The following MEOX1 variants were observed in gnomAD, a reference collection of about 807,000 sequenced individuals.
MEOX1 encodes the protein homeobox protein MOX-1.
MEOX1 carries 17 observed loss-of-function variants against 23.2 expected under a neutral mutation model. The observed-to-expected ratio is 0.73, with a 90% CI of 0.50 to 1.10. The LOEUF (loss-of-function observed/expected upper bound fraction) is 1.10, where lower values mean the gene tolerates loss of function less well. Ranked by LOEUF, MEOX1 falls within the 50% of genes least tolerant of loss-of-function variation. MEOX1 has a pLI of 0.00. For missense variants in MEOX1, 333 were observed against 332.2 expected (o/e 1.00, Z -0.02); for synonymous variants, 134 against 135.1 (o/e 0.99, Z 0.06).
intron 1 of MEOX1, among the ~76,000 whole-genome samples, chr17:43,652,771 C>T (rs1972940087): frequency 6.6e-6 from 1 of 151,728 alleles, no homozygotes; most frequent in South Asian, 2.1e-4. Flanking sequence ...CTCTGGCGAC[C>T]CAGGTGACAC....
intron 1 of MEOX1, among the ~76,000 whole-genome samples, chr17:43,657,038 C>CTTTCT (rs1555567841): frequency 1.6e-5 from 2 of 122,676 alleles, no homozygotes; most frequent in Non-Finnish European, 3.7e-5. Flanking sequence ...TTCTTTCTTT[C>CTTTCT]TTTCTTTCTT....
intron 1 of MEOX1, among the ~76,000 whole-genome samples, chr17:43,646,120 G>T (rs919200115): frequency 1.3e-5 from 2 of 152,178 alleles, no homozygotes; most frequent in Non-Finnish European, 2.9e-5. Context: ...GGGCGCGCCC[G>T]GGGAGCAGGG....
At position 43,650,574 on chromosome 17, in the gene MEOX1, T is replaced by C. The variant is rs145293531; in HGVS notation, c.470-6914A>G. 3.3e-3 allele frequency among the ~76,000 whole-genome samples: 504 copies of C among 152,266 alleles called. 3 individuals carry two copies. Among genetic ancestry groups the C allele is most frequent in the African/African-American group, 0.01 (434 of 41,550 alleles). On this transcript the variant is annotated intron_variant, in intron 1 of 2. Transcript: ENST00000318579. ...GGAGGCTGTGCCTATCTTAGGGACA[T>C]TGTCTGAGTCTGGGTTCAGATCTCT...
intron 1 of MEOX1, among the ~76,000 whole-genome samples, chr17:43,645,333 C>A (rs567959200): frequency 6.6e-6 from 1 of 151,940 alleles, no homozygotes; most frequent in Admixed American, 6.5e-5. Flanking sequence ...CCCGCCACCA[C>A]GCCCGGCAAA....
At position 43,641,914 on chromosome 17, in the gene MEOX1, T is replaced by C; in HGVS notation, c.761A>G (p.Glu254Gly). Residue 254 changes from glutamate to glycine, a missense_variant, in exon 3 of 3, where the codon GAG (glutamate) becomes GGG (glycine). Coordinates refer to ENST00000318579, the MANE Select transcript of MEOX1 (RefSeq NM_004527.4). ...DGDSTASPSS[E>G] ...ATTTTTCCTCCATGCAGAATCTCAC[T>C]CTGAACTTGGAGAGGCTGTGGAGTC... 2 of 1,612,690 alleles carry C rather than the reference T, an allele frequency of 1.2e-6. No individual in the cohort carries two copies. Among genetic ancestry groups the C allele is most frequent in the Non-Finnish European group, 1.7e-6 (2 of 1,179,420 alleles).
rs1375294506 is a variant in MEOX1 at position 43,648,611 on chromosome 17, C to T, written c.470-4951G>A. Among the ~76,000 whole-genome samples, 3 of 152,186 alleles carry T rather than the reference C, an allele frequency of 2.0e-5. No individual in the cohort carries two copies. The East Asian group carries it at 5.8e-4, about 29-fold the overall frequency. Reference sequence around the variant, plus strand: ...CCATGTGTAGAAGTATGGGATTGGACCGGATTCTGTTTCTGCCAGGGAGCT... The same window carrying T: ...CCATGTGTAGAAGTATGGGATTGGATCGGATTCTGTTTCTGCCAGGGAGCT... On this transcript the variant is annotated intron_variant, in intron 1 of 2. Transcript: ENST00000318579.
At chr17:43,659,515 G>C (rs1973101309) in intron 1 of MEOX1, among the ~76,000 whole-genome samples, 2 of 152,070 alleles carry the variant, frequency 1.3e-5, no homozygotes. Context: ...GGTGATACCG[G>C]GGGCCTGAAG....
At chr17:43,660,251 CT>C (rs1349768773) in intron 1 of MEOX1, among the ~76,000 whole-genome samples, 1 of 152,142 alleles carries the variant, frequency 6.6e-6, no homozygotes, top group Non-Finnish European at 1.5e-5. Flanking sequence ...AAGAGAAGGG[CT>C]TTAGCTGGAA....
chr17:43,661,013 C>A, intron 1 of MEOX1, 53 bp downstream of exon 1: 1 of 1,245,108 alleles, frequency 8.0e-7, no homozygotes, highest in Non-Finnish European at 1.1e-6. Context: ...GGGTGAGTAA[C>A]TTCCCCAGGG....
intron 1 of MEOX1, among the ~76,000 whole-genome samples, chr17:43,654,561 C>G (rs1011721480): frequency 6.6e-6 from 1 of 151,920 alleles, no homozygotes; most frequent in African/African-American, 2.4e-5. Flanking sequence ...TGGTTCACAC[C>G]TGTAATCCTA....
intron 1 of MEOX1, among the ~76,000 whole-genome samples, chr17:43,648,329 C>T (rs972066618): frequency 1.3e-5 from 2 of 151,962 alleles, no homozygotes; most frequent in African/African-American, 4.8e-5. Flanking sequence ...ATTAGCCAGG[C>T]GTGGTGGCGG....
intron 1 of MEOX1, among the ~76,000 whole-genome samples, chr17:43,657,059 C>CTTTCTTTCTTTCT (rs1567748423): frequency 2.9e-4 from 14 of 48,416 alleles, no homozygotes; most frequent in East Asian, 3.6e-3. Flanking sequence ...TCTTTCTTTC[C>CTTTCTTTCTTTCT]TTCCTTCCTT....
chr17:43,657,093 TTTTC>T (rs1230087331), intron 1 of MEOX1, among the ~76,000 whole-genome samples: 1 of 147,596 alleles, frequency 6.8e-6, no homozygotes, highest in Non-Finnish European at 1.5e-5. Context: ...CTTTCTTTCT[TTTTC>T]TTTCTCTCTT....
At position 43,641,809 on chromosome 17, in the gene MEOX1, G is replaced by A. The variant is rs1972698942; in HGVS notation, c.*101C>T. The A allele has an allele frequency of 7.9e-7, 1 of 1,263,280 alleles. No individual in the cohort carries two copies. The highest frequency in any genetic ancestry group is 2.2e-5 in the Admixed American group (1 of 44,980). The allele number at this position is 1,263,280 out of a possible 1,614,324, so 78.3% of individuals were successfully genotyped here. ...CAAGAGTCAGGGAAAGATGTGGAGA[G>A]GCTGCCCTGGCTGGGGAAGGAAGAG... On this transcript the variant is annotated 3_prime_UTR_variant, in exon 3 of 3. Coordinates refer to ENST00000318579, the MANE Select transcript of MEOX1 (RefSeq NM_004527.4).
rs994158795 is a variant in MEOX1, at chr17:43,641,693, G to A, written c.*217C>T. 2.0e-6 allele frequency: 1 copy of A among 502,036 alleles called. No homozygotes were observed. The highest frequency in any genetic ancestry group is 3.5e-6 in the Non-Finnish European group (1 of 284,390). 31.1% of individuals were successfully genotyped at this position (502,036 alleles called of 1,614,324 possible). ...TGTCTGATTCCATGAGAGTGTGGGA[G>A]CAAAGGCCCTAGGGAAGAGGCTGCT... On this transcript the variant is annotated 3_prime_UTR_variant, in exon 3 of 3. Coordinates refer to ENST00000318579, the MANE Select transcript of MEOX1 (RefSeq NM_004527.4).
chr17:43,646,639 T>C (rs1972820522), intron 1 of MEOX1, among the ~76,000 whole-genome samples: 1 of 152,238 alleles, frequency 6.6e-6, no homozygotes, highest in Admixed American at 6.5e-5. Flanking sequence ...CTAGGGTTAT[T>C]GGAAGACCGA....
Position 43,661,671 on chromosome 17 carries a change from C to CAA in MEOX1, c.-139_-138dup, listed in dbSNP as rs397701349. On this transcript the variant is annotated 5_prime_UTR_variant, in exon 1 of 3. Transcript: ENST00000318579. Reference sequence around the variant, plus strand: ...TCAACAGAAAATTTACCCCAGGAACCAAAAAAAAAAAAAAACCCAAAACTA... The same window carrying CAA: ...TCAACAGAAAATTTACCCCAGGAACCAAAAAAAAAAAAAAAAACCCAAAACTA... 295 of 376,992 alleles carry CAA rather than the reference C, an allele frequency of 7.8e-4. No individual in the cohort carries two copies. The highest frequency in any genetic ancestry group is 9.3e-4 in the Non-Finnish European group (209 of 223,560). The allele number at this position is 376,992 out of a possible 1,614,324, so 23.4% of individuals were successfully genotyped here. A position where few individuals can be genotyped will look rare whatever the true frequency, so the allele number is the denominator to read the frequency against.
At chr17:43,645,018 T>A (rs1258412880) in intron 1 of MEOX1, among the ~76,000 whole-genome samples, 1 of 152,110 alleles carries the variant, frequency 6.6e-6, no homozygotes, top group African/African-American at 2.4e-5. Flanking sequence ...CAGCTCTACC[T>A]TCACTTTAAT....
chr17:43,644,998 G>GA (rs2154588788), intron 1 of MEOX1, among the ~76,000 whole-genome samples: 1 of 152,210 alleles, frequency 6.6e-6, no homozygotes, highest in South Asian at 2.1e-4. Flanking sequence ...TTGAGCAGAC[G>GA]GGTGGGAGGC....
Sources: gnomAD v4.1 joint callset for allele counts (sites outside exome capture counted in the v4.1 genomes callset) on GRCh38, gnomAD v4.1.1 for gene constraint, MANE v1.5 for transcripts, NCBI Gene and HGNC (gene_info 2026-07-23, HGNC 2026-07-21) for gene names.